CNTN6: variants seen among roughly 807,000 people sequenced by gnomAD.
CNTN6 encodes the protein contactin 6.
In CNTN6, 137 loss-of-function variants were observed where a neutral mutation model predicts 122.8. That is an observed-to-expected ratio of 1.12 (90% CI 0.97 to 1.29). The LOEUF (loss-of-function observed/expected upper bound fraction) is 1.29, where lower values mean the gene tolerates loss of function less well. Among genes scored for constraint, CNTN6 ranks in the 50% most tolerant of loss-of-function variants. The pLI is 0.00. For synonymous variants in CNTN6, 570 were observed against 426.0 expected (o/e 1.34, Z -4.16); for missense variants, 1,634 against 1,223.4 (o/e 1.34, Z -5.01).
intron 17 of CNTN6, among the ~76,000 whole-genome samples, 171 bp from the exon 18 acceptor site, chr3:1,382,771 A>G (rs1278021577): frequency 1.3e-5 from 2 of 152,202 alleles, no homozygotes; most frequent in African/African-American, 2.4e-5. Context: ...TTTAACTGGG[A>G]TCATTTTTCT....
Position 1,383,417 on chromosome 3 carries a change from C to T in CNTN6, c.2517+9C>T, listed in dbSNP as rs779564734. ...GAGTGCTGGGCTATGAGGTAATCCA[C>T]ATTAATTTCACTTTTGCTTATGAAT... On this transcript the variant is annotated intron_variant, in intron 19 of 22. Transcript: ENST00000446702. 1.9e-6 allele frequency: 3 copies of T among 1,604,990 alleles called. No individual in the cohort carries two copies. The highest frequency in any genetic ancestry group is 2.6e-6 in the Non-Finnish European group (3 of 1,171,954).
rs112801174 is a variant in CNTN6 at position 1,252,770 on chromosome 3, G to A, written c.358+24777G>A. Among the ~76,000 whole-genome samples the A allele has an allele frequency of 8.5e-3, 1,296 of 152,148 alleles. 17 individuals carry two copies. The highest frequency in any genetic ancestry group is 0.029 in the African/African-American group (1,218 of 41,512). On this transcript the variant is annotated intron_variant, in intron 4 of 22. Transcript: ENST00000446702. ...CAAGGGGAAAGACAGGCTTATTCTC[G>A]AAGCAAATAGAGGGTCCTTCCTGCC...
intron 20 of CNTN6, among the ~76,000 whole-genome samples, chr3:1,399,817 G>C (rs767681969): frequency 1.3e-5 from 2 of 152,084 alleles, no homozygotes; most frequent in Non-Finnish European, 2.9e-5. Flanking sequence ...TAAGGCACTT[G>C]CCCTCAAGAA....
chr3:1,334,073 T>C (rs1172328952), intron 11 of CNTN6, among the ~76,000 whole-genome samples: 1 of 152,154 alleles, frequency 6.6e-6, no homozygotes, highest in South Asian at 2.1e-4. Context: ...AAAGCAAGGA[T>C]CTGTATTTAT....
At chr3:1,322,499 AAG>A (rs1389650180) in intron 8 of CNTN6, among the ~76,000 whole-genome samples, 1 of 151,778 alleles carries the variant, frequency 6.6e-6, no homozygotes, top group Non-Finnish European at 1.5e-5. Context: ...ATACTATTAA[AAG>A]ATCCTTAACT....
chr3:1,187,249 A>G (rs912672550), intron 2 of CNTN6, among the ~76,000 whole-genome samples: 4 of 152,064 alleles, frequency 2.6e-5, no homozygotes, highest in Admixed American at 2.6e-4. Flanking sequence ...TGTTTTTTGT[A>G]ACCCACACCA....
At chr3:1,218,500 G>T (rs927742471) in intron 2 of CNTN6, among the ~76,000 whole-genome samples, 3 of 152,098 alleles carry the variant, frequency 2.0e-5, no homozygotes, top group African/African-American at 7.2e-5. Context: ...CCCAGCTAGT[G>T]GTGTCAGGGC....
Position 1,136,396 on chromosome 3 carries a change from A to G in CNTN6, c.-82-11531A>G, listed in dbSNP as rs76565716. Among the ~76,000 whole-genome samples, 246 of 152,268 alleles carry G rather than the reference A, an allele frequency of 1.6e-3. 5 individuals are homozygous for G. The East Asian group carries it at 0.04, about 25-fold the overall frequency. The stretch of plus-strand genomic sequence containing the variant: ...GTGAAGCGTTCACTGTTGGAAAAGC[A>G]CTACAGAAAACCGAATCCCATGATC... On this transcript the variant is annotated intron_variant, in intron 1 of 22. Coordinates refer to ENST00000446702, the MANE Select transcript of CNTN6 (RefSeq NM_001289080.2).
chr3:1,207,066 A>G (rs1218329380), intron 2 of CNTN6, among the ~76,000 whole-genome samples: 1 of 152,128 alleles, frequency 6.6e-6, no homozygotes, highest in Non-Finnish European at 1.5e-5. Context: ...AATTATCTCC[A>G]GAACTCCAGA....
intron 1 of CNTN6, among the ~76,000 whole-genome samples, chr3:1,093,617 G>C (rs1292489858): frequency 6.6e-6 from 1 of 152,010 alleles, no homozygotes; most frequent in Non-Finnish European, 1.5e-5. Context: ...TTTCCTAGGG[G>C]AGAATTTGGT....
At chr3:1,135,544 C>G (rs2092449472) in intron 1 of CNTN6, among the ~76,000 whole-genome samples, 1 of 152,134 alleles carries the variant, frequency 6.6e-6, no homozygotes, top group Non-Finnish European at 1.5e-5. Flanking sequence ...GGAGAGAGCT[C>G]AGAACTGCAG....
intron 5 of CNTN6, among the ~76,000 whole-genome samples, chr3:1,291,534 A>G (rs957716325): frequency 3.3e-5 from 5 of 152,222 alleles, no homozygotes; most frequent in African/African-American, 1.2e-4. Flanking sequence ...ACAAATAGGC[A>G]TTGAATAAGG....
chr3:1,285,901 C>T (rs1033030165), intron 5 of CNTN6, among the ~76,000 whole-genome samples: 5 of 152,182 alleles, frequency 3.3e-5, no homozygotes, highest in African/African-American at 1.2e-4. Flanking sequence ...ACTGATTTGC[C>T]TAAAATTAGT....
chr3:1,381,237 A>G (rs755254729), intron 17 of CNTN6, among the ~76,000 whole-genome samples: 1 of 150,912 alleles, frequency 6.6e-6, no homozygotes, highest in Non-Finnish European at 1.5e-5. Flanking sequence ...ATCGATTCTT[A>G]TAAATCTCTT....
intron 20 of CNTN6, among the ~76,000 whole-genome samples, chr3:1,395,970 C>G (rs1052136226): frequency 6.6e-5 from 10 of 152,130 alleles, no homozygotes; most frequent in Non-Finnish European, 1.2e-4. Context: ...TCCTTTATCA[C>G]CTTCCTCCCT....
chr3:1,355,788 T>C (rs1199188706), intron 12 of CNTN6, among the ~76,000 whole-genome samples: 1 of 151,812 alleles, frequency 6.6e-6, no homozygotes, highest in Admixed American at 6.6e-5. Flanking sequence ...GCCTCTGTCA[T>C]GCAAGAAATG....
chr3:1,162,968 T>A (rs2093168909), intron 2 of CNTN6, among the ~76,000 whole-genome samples: 1 of 152,192 alleles, frequency 6.6e-6, no homozygotes, highest in Non-Finnish European at 1.5e-5. Flanking sequence ...AAATCATCTG[T>A]GCCTAGGGAC....
In CNTN6 at chr3:1,295,805, G is replaced by A; in HGVS notation, c.658+1G>A. ...ACTCCATTAGTGCAGCGCACTGATG[G>A]TAAGATAATGAGTTATCTTGGGAAT... On this transcript the variant is annotated splice_donor_variant, in intron 6 of 22. Coordinates refer to ENST00000446702, the MANE Select transcript of CNTN6 (RefSeq NM_001289080.2). LOFTEE classifies it high-confidence loss of function. The A allele has an allele frequency of 1.2e-6, 2 of 1,612,124 alleles. No individual in the cohort carries two copies. The highest frequency in any genetic ancestry group is 1.7e-5 in the Admixed American group (1 of 59,976).
intron 7 of CNTN6, among the ~76,000 whole-genome samples, chr3:1,298,940 T>A (rs1344419369): frequency 6.6e-6 from 1 of 152,150 alleles, no homozygotes; most frequent in Non-Finnish European, 1.5e-5. Context: ...AATAGTGACT[T>A]AGTCTCCAAA....
Sources: allele counts gnomAD v4.1 joint callset (sites outside exome capture counted in the v4.1 genomes callset), GRCh38; gene constraint gnomAD v4.1.1; transcripts MANE v1.5; gene names NCBI Gene and HGNC (gene_info 2026-07-23, HGNC 2026-07-21).